Variants in MAP2 observed in about 807,000 individuals in gnomAD.
The protein encoded by MAP2 is microtubule-associated protein 2.
A neutral mutation model predicts 137.6 loss-of-function variants in MAP2; 14 were observed. The observed-to-expected ratio is 0.10, with a 90% CI of 0.07 to 0.16. The LOEUF is 0.16. Among genes scored for constraint, MAP2 ranks in the 10% least tolerant of loss-of-function variants. MAP2 has a pLI of 1.00. For synonymous variants in MAP2, 786 were observed against 782.3 expected (o/e 1.00, Z -0.08); for missense variants, 2,088 against 2,191.5 (o/e 0.95, Z 0.94).
chr2:209,540,612 C>A (rs780280572), intron 2 of MAP2, among the ~76,000 whole-genome samples: 13 of 99,088 alleles, frequency 1.3e-4, no homozygotes, highest in Non-Finnish European at 1.9e-4. Flanking sequence ...GCCTGCGTGA[C>A]TGAGTGAGAC....
At chr2:209,488,540 T>G (rs1176219089) in intron 1 of MAP2, among the ~76,000 whole-genome samples, 1 of 152,106 alleles carries the variant, frequency 6.6e-6, no homozygotes, top group Non-Finnish European at 1.5e-5. Context: ...TCCGCTGGCT[T>G]GAAACACTTG....
intron 2 of MAP2, among the ~76,000 whole-genome samples, chr2:209,540,938 CG>C (rs1559297253): frequency 1.1e-4 from 17 of 151,072 alleles, no homozygotes; most frequent in African/African-American, 4.2e-4. Flanking sequence ...ACAATAGTTA[CG>C]TTTACACTAT....
At chr2:209,533,863 C>T (rs1002355599) in intron 2 of MAP2, among the ~76,000 whole-genome samples, 6 of 152,220 alleles carry the variant, frequency 3.9e-5, no homozygotes, top group Middle Eastern at 3.4e-3. Context: ...TAAGGGGAGC[C>T]GGTCTAGGTA....
rs549069144 is a variant in MAP2 at position 209,492,303 on chromosome 2, G to T, written c.-221-15289G>T. On this transcript the variant is annotated intron_variant, in intron 1 of 15. Transcript: ENST00000682079. The stretch of plus-strand genomic sequence containing the variant: ...TGAAACATATCTCAAAATAATAAGA[G>T]CTATTTATGGCAAACCCACAGCCAG... Among the ~76,000 whole-genome samples the T allele has an allele frequency of 1.5e-3, 230 of 152,218 alleles. 2 individuals are homozygous for T. The highest frequency in any genetic ancestry group is 5.2e-3 in the African/African-American group (218 of 41,536).
At chr2:209,522,225 G>A (rs891965539) in intron 2 of MAP2, among the ~76,000 whole-genome samples, 8 of 152,008 alleles carry the variant, frequency 5.3e-5, no homozygotes, top group African/African-American at 1.9e-4. Flanking sequence ...ATTCCAAGGA[G>A]CTAATCAGAT....
rs150623811 is a variant in MAP2, at chr2:209,432,678, A to G, written c.-222+8402A>G. On this transcript the variant is annotated intron_variant, in intron 1 of 15. Coordinates refer to ENST00000682079, the MANE Select transcript of MAP2 (RefSeq NM_001375505.1). The stretch of plus-strand genomic sequence containing the variant: ...ACATGTCTAATCATCCATCAGAGTC[A>G]GAGTGACTGTTTTATCACTGAGTAG... 5.6e-4 allele frequency among the ~76,000 whole-genome samples: 85 copies of G among 152,278 alleles called. 1 individual carries two copies. In the Middle Eastern group the frequency reaches 0.017, roughly 30 times the overall value.
chr2:209,544,162 G>A (rs2067564410), intron 2 of MAP2, among the ~76,000 whole-genome samples: 1 of 152,046 alleles, frequency 6.6e-6, no homozygotes, highest in South Asian at 2.1e-4. Context: ...GAACCTGGGA[G>A]GTGGAGCTTG....
chr2:209,623,688 T>C (rs1050585525), intron 3 of MAP2, among the ~76,000 whole-genome samples: 1 of 152,152 alleles, frequency 6.6e-6, no homozygotes, highest in Admixed American at 6.6e-5. Flanking sequence ...TCTGAAGTTA[T>C]TGTGCATAGA....
intron 13 of MAP2, among the ~76,000 whole-genome samples, chr2:209,719,030 C>A (rs990504896): frequency 1.3e-5 from 2 of 152,048 alleles, no homozygotes; most frequent in African/African-American, 4.8e-5. Context: ...ATAAAAAATA[C>A]TTTCGAAAGA....
intron 11 of MAP2, among the ~76,000 whole-genome samples, chr2:209,701,387 A>G (rs2061710495): frequency 6.6e-6 from 1 of 151,726 alleles, no homozygotes; most frequent in African/African-American, 2.4e-5. Context: ...TATTAACTGT[A>G]TTTTAATGAC....
At position 209,523,093 on chromosome 2, in the gene MAP2, C is replaced by T. The variant is rs181613510; in HGVS notation, c.-172+15452C>T. 4.3e-3 allele frequency among the ~76,000 whole-genome samples: 658 copies of T among 152,158 alleles called. 5 individuals carry two copies. The highest frequency in any genetic ancestry group is 7.8e-3 in the Non-Finnish European group (529 of 67,996). On this transcript the variant is annotated intron_variant, in intron 2 of 15. Transcript: ENST00000682079. Reference sequence around the variant, plus strand: ...TCAGCCTTATTTCCTGCCATCTCTCCTCCTTTTATTCTCCATGTTTTTTTC... The same window carrying T: ...TCAGCCTTATTTCCTGCCATCTCTCTTCCTTTTATTCTCCATGTTTTTTTC...
chr2:209,557,477 C>T (rs562502874), intron 2 of MAP2, among the ~76,000 whole-genome samples: 1 of 152,280 alleles, frequency 6.6e-6, no homozygotes, highest in East Asian at 1.9e-4. Context: ...TAAGCATGCA[C>T]ATTCACACCA....
chr2:209,501,985 A>T (rs947584098), intron 1 of MAP2, among the ~76,000 whole-genome samples: 1 of 152,086 alleles, frequency 6.6e-6, no homozygotes, highest in Non-Finnish European at 1.5e-5. Context: ...TAAAAATTGT[A>T]TATATTTAAG....
chr2:209,469,048 G>C (rs1704957685), intron 1 of MAP2, among the ~76,000 whole-genome samples: 1 of 152,150 alleles, frequency 6.6e-6, no homozygotes, highest in Non-Finnish European at 1.5e-5. Context: ...TTACTAATAA[G>C]AACCAGAGAG....
intron 1 of MAP2, among the ~76,000 whole-genome samples, chr2:209,451,940 AAATC>A (rs1700418043): frequency 6.6e-6 from 1 of 152,174 alleles, no homozygotes; most frequent in South Asian, 2.1e-4. Flanking sequence ...CAATATTTTA[AAATC>A]GATGAATTTT....
chr2:209,518,777 G>C (rs2062876776), intron 2 of MAP2, among the ~76,000 whole-genome samples: 1 of 151,878 alleles, frequency 6.6e-6, no homozygotes, highest in Non-Finnish European at 1.5e-5. Context: ...GTCTGTTTTT[G>C]TCGTAGGTTT....
intron 2 of MAP2, among the ~76,000 whole-genome samples, chr2:209,508,980 C>T (rs927400780): frequency 3.3e-5 from 5 of 151,870 alleles, no homozygotes; most frequent in African/African-American, 7.2e-5. Flanking sequence ...ACCAAAATTA[C>T]AAGTAGAATG....
Position 209,465,310 on chromosome 2 carries a change from C to T in MAP2, c.-222+41034C>T, listed in dbSNP as rs988385438. 6.6e-5 allele frequency among the ~76,000 whole-genome samples: 10 copies of T among 152,080 alleles called. No individual in the cohort carries two copies. The East Asian group carries it at 1.9e-3, about 29-fold the overall frequency. Reference sequence around the variant, plus strand: ...AAAATAAACTAAATCAGTCAAGGCACATTCAAAATAGAATAAAAAATGTGC... The same window carrying T: ...AAAATAAACTAAATCAGTCAAGGCATATTCAAAATAGAATAAAAAATGTGC... On this transcript the variant is annotated intron_variant, in intron 1 of 15. Coordinates refer to ENST00000682079, the MANE Select transcript of MAP2 (RefSeq NM_001375505.1).
rs932037628 is a variant in MAP2, at chr2:209,625,644, C to A, written c.-30+515C>A. On this transcript the variant is annotated intron_variant, in intron 4 of 15. Transcript: ENST00000682079. ...AGCAGGCACTGGACAGAACACCAGC[C>A]CCAGCTGTTATTAGGAGAGTAGTTT... Among the ~76,000 whole-genome samples, 7 of 152,054 alleles carry A rather than the reference C, an allele frequency of 4.6e-5. 1 individual carries two copies. The highest frequency in any genetic ancestry group is 1.7e-4 in the African/African-American group (7 of 41,406).
Sources: gnomAD v4.1 joint callset for allele counts (sites outside exome capture counted in the v4.1 genomes callset) on GRCh38, gnomAD v4.1.1 for gene constraint, MANE v1.5 for transcripts, NCBI Gene and HGNC (gene_info 2026-07-23, HGNC 2026-07-21) for gene names.